Variants in ENTREP2 observed in about 807,000 individuals in gnomAD.
ENTREP2 encodes the protein endosomal transmembrane epsin interactor 2.
At chr15:29,123,256 G>C in the ENTREP2 span, 2 of 1,367,170 alleles carry the variant, frequency 1.5e-6, 1 homozygote, top group South Asian at 3.1e-5. Flanking sequence ...GGGCCTGAAG[G>C]CCTCTTTGTC....
the ENTREP2 span, among the ~76,000 whole-genome samples, chr15:29,518,055 A>C: frequency 6.6e-6 from 1 of 152,160 alleles, no homozygotes; most frequent in African/African-American, 2.4e-5. Context: ...TGGGCAACAC[A>C]GCAAGACCCT....
At chr15:29,187,095 A>AC in the ENTREP2 span, among the ~76,000 whole-genome samples, 1 of 151,980 alleles carries the variant, frequency 6.6e-6, no homozygotes, top group Non-Finnish European at 1.5e-5. Flanking sequence ...TAGCTAACCT[A>AC]CCCGTATATC....
At chr15:29,342,310 T>C in the ENTREP2 span, among the ~76,000 whole-genome samples, 91,677 of 152,146 alleles carry the variant, frequency 0.6, 32,609 homozygotes, top group Non-Finnish European at 0.78. Flanking sequence ...TCCATTATCT[T>C]TGTGGCCCTA....
the ENTREP2 span, among the ~76,000 whole-genome samples, chr15:29,124,923 T>C: frequency 6.6e-6 from 1 of 152,350 alleles, no homozygotes; most frequent in African/African-American, 2.4e-5. Flanking sequence ...GGAACCGCCC[T>C]GCAGCTGGCC....
At chr15:29,397,228 A>G in the ENTREP2 span, among the ~76,000 whole-genome samples, 2 of 152,034 alleles carry the variant, frequency 1.3e-5, no homozygotes, top group East Asian at 3.9e-4. Context: ...TGTCTCCACT[A>G]AAAATACAAA....
the ENTREP2 span, among the ~76,000 whole-genome samples, chr15:29,231,097 A>C: frequency 6.6e-6 from 1 of 152,194 alleles, no homozygotes; most frequent in Non-Finnish European, 1.5e-5. Context: ...TAGTACTTTA[A>C]AAGTTATAAT....
chr15:29,511,677 C>A, the ENTREP2 span, among the ~76,000 whole-genome samples: 1 of 151,810 alleles, frequency 6.6e-6, no homozygotes, highest in Middle Eastern at 3.4e-3. Context: ...GGCCTGAAAC[C>A]TCACAGGCTG....
At chr15:29,132,632 G>A in the ENTREP2 span, among the ~76,000 whole-genome samples, 4 of 152,310 alleles carry the variant, frequency 2.6e-5, no homozygotes, top group East Asian at 5.8e-4. Flanking sequence ...GAAGGGTGTC[G>A]CATTGGTTTC....
chr15:29,520,843 A>G, the ENTREP2 span, among the ~76,000 whole-genome samples: 2 of 152,230 alleles, frequency 1.3e-5, no homozygotes, highest in African/African-American at 4.8e-5. Context: ...TAAAATAAAT[A>G]GGAAGAAATC....
At chr15:29,597,216 T>C in the ENTREP2 span, among the ~76,000 whole-genome samples, 3 of 152,200 alleles carry the variant, frequency 2.0e-5, no homozygotes, top group Admixed American at 6.5e-5. Flanking sequence ...GTTGGACTCA[T>C]ACAGTATATT....
chr15:29,233,735 T>C, the ENTREP2 span: 1 of 1,434,114 alleles, frequency 7.0e-7, no homozygotes, highest in East Asian at 2.3e-5. Flanking sequence ...TCTGAGCTGT[T>C]TGTTAACCAC....
chr15:29,547,317 T>C, the ENTREP2 span, among the ~76,000 whole-genome samples: 1 of 151,996 alleles, frequency 6.6e-6, no homozygotes, highest in East Asian at 1.9e-4. Context: ...CTCAAACTCC[T>C]GACGTTGTGA....
chr15:29,614,745 A>G, the ENTREP2 span, among the ~76,000 whole-genome samples: 1 of 152,288 alleles, frequency 6.6e-6, no homozygotes, highest in South Asian at 2.1e-4. Context: ...CTGGGAAGGT[A>G]GAAGGTGGCA....
At chr15:29,131,094 A>C in the ENTREP2 span, among the ~76,000 whole-genome samples, 1 of 152,206 alleles carries the variant, frequency 6.6e-6, no homozygotes, top group Non-Finnish European at 1.5e-5. Context: ...TGAAGCTAAG[A>C]CACTTGCATG....
the ENTREP2 span, among the ~76,000 whole-genome samples, chr15:29,135,300 A>ATG: frequency 6.6e-6 from 1 of 152,060 alleles, no homozygotes; most frequent in Non-Finnish European, 1.5e-5. The surrounding 1 kb of genome is among the most constrained non-coding windows in gnomAD (Gnocchi z 7.4). Context: ...GATTGGGGCA[A>ATG]TGTTCATGGA....
the ENTREP2 span, among the ~76,000 whole-genome samples, chr15:29,642,330 C>T: frequency 2.6e-5 from 4 of 151,532 alleles, no homozygotes; most frequent in South Asian, 4.2e-4. Flanking sequence ...TAGAAATGAA[C>T]CTGTGCATCT....
the ENTREP2 span, among the ~76,000 whole-genome samples, chr15:29,407,010 C>A: frequency 1.3e-5 from 2 of 152,184 alleles, no homozygotes; most frequent in Non-Finnish European, 2.9e-5. Context: ...TTAATTGCCT[C>A]ATTTTTCACT....
chr15:29,552,471 C>T, the ENTREP2 span, among the ~76,000 whole-genome samples: 1 of 152,078 alleles, frequency 6.6e-6, no homozygotes, highest in Non-Finnish European at 1.5e-5. Flanking sequence ...CCAGAGTGTA[C>T]ACCTGTAGTC....
At chr15:29,534,522 G>T in the ENTREP2 span, among the ~76,000 whole-genome samples, 1 of 152,178 alleles carries the variant, frequency 6.6e-6, no homozygotes, top group African/African-American at 2.4e-5. Flanking sequence ...GTCTATAAAT[G>T]ACCCAGATTA....
Sources: allele counts gnomAD v4.1 joint callset (sites outside exome capture counted in the v4.1 genomes callset), GRCh38; gene constraint gnomAD v4.1.1; non-coding constraint Gnocchi (gnomAD v3.1); transcripts MANE v1.5; gene names NCBI Gene and HGNC (gene_info 2026-07-23, HGNC 2026-07-21).